The following KRABD3 variants were observed in gnomAD, a reference collection of about 807,000 sequenced individuals.
The protein encoded by KRABD3 is KRAB domain-containing protein 3.
the KRABD3 span, among the ~76,000 whole-genome samples, chr7:149,716,259 G>A: frequency 6.6e-6 from 1 of 152,236 alleles, no homozygotes; most frequent in Non-Finnish European, 1.5e-5. Context: ...TTTTGTGCTG[G>A]GCTAGTGACA....
chr7:149,723,851 TACAGGAGAATCCA>T, the KRABD3 span: 1 of 1,613,838 alleles, frequency 6.2e-7, no homozygotes, highest in Non-Finnish European at 8.5e-7. Context: ...AACCGACGGC[TACAGGAGAATCCA>T]GGAGCCTGGA....
the KRABD3 span, among the ~76,000 whole-genome samples, chr7:149,716,994 G>A: frequency 1.3e-5 from 2 of 152,180 alleles, no homozygotes; most frequent in African/African-American, 4.8e-5. Context: ...TATGAAACAA[G>A]GCAGGGATTG....
At chr7:149,729,482 C>T in the KRABD3 span, 10 of 1,274,134 alleles carry the variant, frequency 7.8e-6, no homozygotes, top group Non-Finnish European at 9.0e-6. Flanking sequence ...CTCATCCTTT[C>T]CCCAGAGGAC....
chr7:149,727,513 C>T, the KRABD3 span, among the ~76,000 whole-genome samples: 4,389 of 152,344 alleles, frequency 0.029, 224 homozygotes, highest in African/African-American at 0.099. Flanking sequence ...CACTCCCCTC[C>T]TCCTCCTCAC....
chr7:149,720,747 G>A, the KRABD3 span: 13 of 1,300,946 alleles, frequency 1.0e-5, 1 homozygote, highest in East Asian at 1.0e-4. Context: ...GGAGGATTAC[G>A]TGAGATGCTG....
the KRABD3 span, chr7:149,721,129 G>A: frequency 3.3e-6 from 4 of 1,222,332 alleles, no homozygotes; most frequent in Admixed American, 2.4e-5. Context: ...TCGTGGCTAG[G>A]CCGTGTGCCG....
the KRABD3 span, chr7:149,726,176 A>G: frequency 2.3e-6 from 2 of 885,946 alleles, no homozygotes; most frequent in East Asian, 2.7e-5. Flanking sequence ...GAGCAGAGCC[A>G]GGGATACTGA....
the KRABD3 span, chr7:149,729,560 A>G: frequency 1.0e-5 from 10 of 985,354 alleles, no homozygotes; most frequent in African/African-American, 7.0e-5. Context: ...AAGTGCTGAC[A>G]AGGAGCGGGG....
the KRABD3 span, chr7:149,722,703 C>T: frequency 2.4e-5 from 36 of 1,518,180 alleles, no homozygotes; most frequent in East Asian, 9.1e-5. Context: ...CTCAGCCGCC[C>T]GGAGACCTGA....
chr7:149,728,824 A>G, the KRABD3 span: 13 of 883,292 alleles, frequency 1.5e-5, no homozygotes, highest in Non-Finnish European at 2.0e-5. Flanking sequence ...CCAGAAAGCC[A>G]GATAGTCTGC....
the KRABD3 span, chr7:149,726,125 C>T: frequency 6.9e-7 from 1 of 1,445,684 alleles, no homozygotes; most frequent in East Asian, 2.4e-5. Context: ...CTTGCCCAGT[C>T]CCTCTGGCTT....
chr7:149,722,669 G>A, the KRABD3 span: 8 of 1,488,176 alleles, frequency 5.4e-6, no homozygotes, highest in African/African-American at 9.8e-5. Context: ...GGCAGGCCTT[G>A]TCTGCATTCT....
the KRABD3 span, chr7:149,730,448 T>C: frequency 1.3e-6 from 2 of 1,599,622 alleles, no homozygotes; most frequent in Non-Finnish European, 1.7e-6. Context: ...CCTTCCCAGC[T>C]GTAAGCCTCC....
At chr7:149,722,339 C>T in the KRABD3 span, 2 of 1,549,694 alleles carry the variant, frequency 1.3e-6, no homozygotes, top group Non-Finnish European at 8.7e-7. Flanking sequence ...AGAGGGCTGT[C>T]CTCTATGGGA....
chr7:149,731,924 GTTTT>G, the KRABD3 span: 1 of 606,300 alleles, frequency 1.6e-6, no homozygotes, highest in Non-Finnish European at 3.0e-6. Flanking sequence ...TCCTTTCAGT[GTTTT>G]ATCACAGAAG....
At chr7:149,725,550 T>A in the KRABD3 span, 1 of 1,471,080 alleles carries the variant, frequency 6.8e-7, no homozygotes, top group Non-Finnish European at 9.1e-7. Context: ...AGGCAGATGC[T>A]GAGGACTGTC....
At chr7:149,716,727 G>A in the KRABD3 span, among the ~76,000 whole-genome samples, 1 of 152,212 alleles carries the variant, frequency 6.6e-6, no homozygotes, top group African/African-American at 2.4e-5. Context: ...AGAGACACCG[G>A]TGGTCAGGAG....
chr7:149,720,053 A>G, the KRABD3 span: 1 of 1,552,370 alleles, frequency 6.4e-7, no homozygotes, highest in Non-Finnish European at 8.7e-7. Context: ...TCACCCTCAG[A>G]GCCTGGAAGA....
chr7:149,719,996 C>T, the KRABD3 span: 86 of 1,540,260 alleles, frequency 5.6e-5, no homozygotes, highest in Middle Eastern at 6.2e-4. This position sits in a 1 kb window ranked among gnomAD's most constrained non-coding sequence, Gnocchi z 5.6. Context: ...ACAGTTCCCT[C>T]TTCTTTCCCA....
Sources: gnomAD v4.1 joint callset for allele counts (sites outside exome capture counted in the v4.1 genomes callset) on GRCh38, gnomAD v4.1.1 for gene constraint, Gnocchi (gnomAD v3.1) non-coding constraint, MANE v1.5 for transcripts, NCBI Gene and HGNC (gene_info 2026-07-23, HGNC 2026-07-21) for gene names.